SMIM35: variants seen among roughly 807,000 people sequenced by gnomAD.
SMIM35 encodes the protein TMPRSS4 antisense RNA 1 (non-protein coding).
chr11:118,072,372 C>A (rs2135143657), intron 1 of SMIM35, among the ~76,000 whole-genome samples: 1 of 152,320 alleles, frequency 6.6e-6, no homozygotes, highest in South Asian at 2.1e-4. Flanking sequence ...CCTGTAATCC[C>A]AGCTACTCCG....
chr11:118,048,064 A>T (rs1944131762), intron 1 of SMIM35, among the ~76,000 whole-genome samples: 1 of 152,280 alleles, frequency 6.6e-6, no homozygotes, highest in Admixed American at 6.5e-5. Context: ...ATGGGAGGTG[A>T]TCATAGTGGT....
At chr11:118,016,483 C>T (rs111647908) in intron 1 of SMIM35, among the ~76,000 whole-genome samples, 2,045 of 152,216 alleles carry the variant, frequency 0.013, 45 homozygotes, top group African/African-American at 0.047. Context: ...CCACCTCTGC[C>T]GGGGCAGGGA....
At chr11:118,014,636 A>G (rs1333487832) in intron 3 of SMIM35, 72 bp downstream of exon 3, 3 of 398,700 alleles carry the variant, frequency 7.5e-6, no homozygotes, top group Non-Finnish European at 1.3e-5. Context: ...TTCTTAATCT[A>G]TCTTTGATTC....
At chr11:118,025,199 T>C (rs910612584) in intron 1 of SMIM35, among the ~76,000 whole-genome samples, 1 of 152,210 alleles carries the variant, frequency 6.6e-6, no homozygotes, top group African/African-American at 2.4e-5. Context: ...TTCTAAGTCT[T>C]TGCTGTTGTG....
Position 118,006,139 on chromosome 11 carries a change from C to T in SMIM35, c.*271G>A, listed in dbSNP as rs2058120637. ...AACTTTTTGAAAGAATTGAAAGACT[C>T]ACTGACTCCACTTCCAACTGCTTCT... On this transcript the variant is annotated 3_prime_UTR_variant, in exon 5 of 5. Transcript: ENST00000689828. 6.6e-6 allele frequency: 1 copy of T among 152,314 alleles called. No homozygotes were observed. Among genetic ancestry groups the T allele is most frequent in the African/African-American group, 2.4e-5 (1 of 41,450 alleles). 9.4% of individuals were successfully genotyped at this position (152,314 alleles called of 1,614,324 possible).
chr11:118,009,304 G>T (rs975603950), intron 4 of SMIM35, among the ~76,000 whole-genome samples: 1 of 152,220 alleles, frequency 6.6e-6, no homozygotes, highest in Admixed American at 6.5e-5. Flanking sequence ...TTGGACTGAG[G>T]CTAGAAGTGG....
chr11:118,033,192 G>A (rs1467841323), intron 1 of SMIM35, among the ~76,000 whole-genome samples: 1 of 152,138 alleles, frequency 6.6e-6, no homozygotes, highest in African/African-American at 2.4e-5. Flanking sequence ...TCTGTATGAG[G>A]GATTGTTCTT....
chr11:118,016,451 G>T (rs999995522), intron 1 of SMIM35, among the ~76,000 whole-genome samples: 1 of 152,218 alleles, frequency 6.6e-6, no homozygotes, highest in Non-Finnish European at 1.5e-5. Context: ...GAGGCTGACA[G>T]TGGGGGCACC....
chr11:118,020,437 T>C (rs745523626), intron 1 of SMIM35, among the ~76,000 whole-genome samples: 1 of 152,214 alleles, frequency 6.6e-6, no homozygotes, highest in Non-Finnish European at 1.5e-5. Context: ...TAGAATTTGA[T>C]TGAGATAACA....
chr11:118,049,723 A>ATATT (rs1944178742), intron 1 of SMIM35, among the ~76,000 whole-genome samples: 2 of 152,178 alleles, frequency 1.3e-5, no homozygotes, highest in Admixed American at 1.3e-4. Flanking sequence ...ATAAATACAA[A>ATATT]TATACTTTAT....
intron 4 of SMIM35, among the ~76,000 whole-genome samples, chr11:118,007,575 T>A (rs915128938): frequency 5.3e-5 from 8 of 152,276 alleles, no homozygotes; most frequent in African/African-American, 1.9e-4. Context: ...TTTGTATTTT[T>A]AGTAGAGACA....
chr11:118,063,273 A>C (rs527708148), intron 1 of SMIM35, among the ~76,000 whole-genome samples: 13 of 152,266 alleles, frequency 8.5e-5, no homozygotes, highest in African/African-American at 3.1e-4. Context: ...GAGATCCAAG[A>C]ACCCCCTCTT....
At chr11:118,021,174 T>C (rs1591279386) in intron 1 of SMIM35, among the ~76,000 whole-genome samples, 1 of 152,140 alleles carries the variant, frequency 6.6e-6, no homozygotes, top group East Asian at 1.9e-4. Flanking sequence ...GAAGTCAAAG[T>C]AAAGCTTTTA....
chr11:118,069,798 G>C (rs544006093), intron 1 of SMIM35, among the ~76,000 whole-genome samples: 5 of 152,090 alleles, frequency 3.3e-5, no homozygotes, highest in Non-Finnish European at 7.4e-5. Context: ...GCGGTGGCTC[G>C]TGCCTGTAAT....
chr11:118,013,340 C>T (rs571057649), intron 4 of SMIM35, among the ~76,000 whole-genome samples: 4 of 152,252 alleles, frequency 2.6e-5, no homozygotes, highest in African/African-American at 7.2e-5. Context: ...CCAGAGTTGG[C>T]GGGCCATGAA....
At chr11:118,070,286 C>A (rs1944551359) in intron 1 of SMIM35, among the ~76,000 whole-genome samples, 1 of 152,192 alleles carries the variant, frequency 6.6e-6, no homozygotes, top group African/African-American at 2.4e-5. Context: ...AAGTGATTCT[C>A]CTGCCTCGGG....
At chr11:118,021,949 C>A (rs1377604996) in intron 1 of SMIM35, among the ~76,000 whole-genome samples, 1 of 151,946 alleles carries the variant, frequency 6.6e-6, no homozygotes, top group Non-Finnish European at 1.5e-5. Context: ...CTACATCCAA[C>A]ATCTGGGGAA....
chr11:118,079,682 T>C (rs527481263), intron 1 of SMIM35, among the ~76,000 whole-genome samples: 1 of 152,152 alleles, frequency 6.6e-6, no homozygotes, highest in African/African-American at 2.4e-5. Flanking sequence ...TGGTCCTCCC[T>C]CCCACCTCCT....
At chr11:118,040,087 A>G (rs1943975714) in intron 1 of SMIM35, among the ~76,000 whole-genome samples, 1 of 150,498 alleles carries the variant, frequency 6.6e-6, no homozygotes, top group South Asian at 2.1e-4. Context: ...ATGATGGTGC[A>G]CACCTGTAAT....
Sources: gnomAD v4.1 joint callset for allele counts (sites outside exome capture counted in the v4.1 genomes callset) on GRCh38, gnomAD v4.1.1 for gene constraint, MANE v1.5 for transcripts, NCBI Gene and HGNC (gene_info 2026-07-23, HGNC 2026-07-21) for gene names.